The following TECRL variants were observed in gnomAD, a reference collection of about 807,000 sequenced individuals.
The protein encoded by TECRL is trans-2,3-enoyl-CoA reductase-like.
In TECRL, 63 loss-of-function variants were observed where a neutral mutation model predicts 52.8. That is an observed-to-expected ratio of 1.19 (90% CI 0.97 to 1.47). The LOEUF (loss-of-function observed/expected upper bound fraction) is 1.47, where lower values mean the gene tolerates loss of function less well. Among genes scored for constraint, TECRL ranks in the 40% most tolerant of loss-of-function variants. The probability of loss-of-function intolerance (pLI) is 0.00; values close to 1 mark genes in which losing one functional copy is unlikely to be tolerated. For missense variants in TECRL, 482 were observed against 429.6 expected (o/e 1.12, Z -1.08); for synonymous variants, 164 against 141.9 (o/e 1.16, Z -1.10).
chr4:64,339,448 A>T (rs1426722779), intron 2 of TECRL, among the ~76,000 whole-genome samples: 2 of 150,386 alleles, frequency 1.3e-5, no homozygotes, highest in African/African-American at 4.9e-5. Context: ...TAATAAAAAT[A>T]TATATATATA....
Position 64,322,778 on chromosome 4 carries a change from T to G in TECRL, c.346A>C (p.Lys116Gln). The G allele has an allele frequency of 6.2e-7, 1 of 1,604,192 alleles. No homozygotes were observed. The highest frequency in any genetic ancestry group is 2.2e-5 in the East Asian group (1 of 44,596). The stretch of plus-strand genomic sequence containing the variant: ...ATACTTTGAATGGTAATGTAGTCCT[T>G]CAAAAAAGGCCCGCCTAAAATAAAA... ...LQLECGGPFL[K>Q]DYITIQSIAA... The change falls in exon 4 of 12, where the codon AAG (lysine) becomes CAG (glutamine). Residue 116 changes from lysine (K) to glutamine (Q), a missense_variant. Lys to Gln is a moderately conservative substitution (Grantham distance 53, BLOSUM62 1). Transcript: ENST00000381210.
intron 2 of TECRL, among the ~76,000 whole-genome samples, chr4:64,358,549 T>A (rs1379995865): frequency 1.3e-5 from 2 of 151,694 alleles, no homozygotes; most frequent in African/African-American, 4.8e-5. Flanking sequence ...AGATGGGTCA[T>A]CATATTAATG....
intron 7 of TECRL, among the ~76,000 whole-genome samples, chr4:64,300,545 T>C (rs9999680): frequency 0.03 from 4,497 of 150,806 alleles, 103 homozygotes; most frequent in African/African-American, 0.064. Flanking sequence ...TAAAGAGTAA[T>C]GTAGAAAACA....
intron 2 of TECRL, among the ~76,000 whole-genome samples, chr4:64,371,106 A>G (rs1721943770): frequency 6.6e-6 from 1 of 151,686 alleles, no homozygotes; most frequent in Non-Finnish European, 1.5e-5. Flanking sequence ...TAACTGATGG[A>G]TGGCTGTAGA....
At position 64,281,509 on chromosome 4, in the gene TECRL, A is replaced by G. The variant is rs745673807; in HGVS notation, c.883T>C (p.Phe295Leu). 6.2e-7 allele frequency: 1 copy of G among 1,605,390 alleles called. No homozygotes were observed. Among genetic ancestry groups the G allele is most frequent in the South Asian group, 1.1e-5 (1 of 90,122 alleles). ...TAGTTAGGACATGAAACCAGGAAAA[A>G]CATCCATGTGAAGGGGTTATAATTT... is the stretch of plus-strand genomic sequence containing the variant. ...SPNYNPFTWM[F>L]FLVSCPNYTY... is the part of the protein sequence containing the mutation. Residue 295 changes from phenylalanine (F) to leucine (L), a missense_variant, in exon 10 of 12, where the codon TTT becomes CTT. Coordinates refer to ENST00000381210, the MANE Select transcript of TECRL (RefSeq NM_001010874.5).
chr4:64,328,819 G>A (rs1455191481), intron 2 of TECRL, among the ~76,000 whole-genome samples: 1 of 151,798 alleles, frequency 6.6e-6, no homozygotes, highest in Admixed American at 6.6e-5. Context: ...GTGTGTTCAG[G>A]TTTTGGACAT....
At position 64,366,747 on chromosome 4, in the gene TECRL, T is replaced by C. The variant is rs943771310; in HGVS notation, c.286+8425A>G. ...TGGCTATTGTTAAAAAGTCACCATA[T>C]AACAGATGTTGGCAAGTTGTAGAGA... On this transcript the variant is annotated intron_variant, in intron 2 of 11. Transcript: ENST00000381210. Among the ~76,000 whole-genome samples the C allele has an allele frequency of 4.6e-5, 7 of 152,110 alleles. No homozygotes were observed. In the East Asian group the frequency reaches 1.3e-3, roughly 29 times the overall value.
chr4:64,353,979 A>G (rs1307729167), intron 2 of TECRL, among the ~76,000 whole-genome samples: 2 of 152,192 alleles, frequency 1.3e-5, no homozygotes, highest in East Asian at 3.9e-4. Context: ...AAACAATAAA[A>G]CAAACAAACA....
intron 2 of TECRL, among the ~76,000 whole-genome samples, chr4:64,333,654 G>T (rs1718810295): frequency 6.6e-6 from 1 of 152,068 alleles, no homozygotes; most frequent in African/African-American, 2.4e-5. Context: ...TAGGAAGAAT[G>T]CACAAAACAA....
At chr4:64,392,397 C>T (rs1304520324) in intron 1 of TECRL, among the ~76,000 whole-genome samples, 1 of 151,900 alleles carries the variant, frequency 6.6e-6, no homozygotes, top group Non-Finnish European at 1.5e-5. Context: ...TCGAGATACA[C>T]ACAGCATATC....
chr4:64,293,973 T>C (rs1328864495), intron 8 of TECRL, among the ~76,000 whole-genome samples: 2 of 146,382 alleles, frequency 1.4e-5, no homozygotes, highest in East Asian at 3.9e-4. Flanking sequence ...GCTACATATA[T>C]ATATATAAAA....
chr4:64,285,799 A>C (rs1482860032), intron 9 of TECRL, among the ~76,000 whole-genome samples: 1 of 152,128 alleles, frequency 6.6e-6, no homozygotes, highest in African/African-American at 2.4e-5. Flanking sequence ...TTTCCAAGAA[A>C]GAAAATGATG....
intron 2 of TECRL, among the ~76,000 whole-genome samples, chr4:64,365,017 A>G (rs1414584087): frequency 6.6e-6 from 1 of 152,042 alleles, no homozygotes; most frequent in Non-Finnish European, 1.5e-5. Flanking sequence ...CAAAACAGTA[A>G]CAAACTGAAT....
At chr4:64,299,348 A>T (rs930678236) in intron 8 of TECRL, 1 of 151,172 alleles carries the variant, frequency 6.6e-6, no homozygotes, top group Non-Finnish European at 1.5e-5. Flanking sequence ...TATCAATGAC[A>T]GGGATGAAAG....
At chr4:64,308,215 T>C (rs1399950381) in intron 6 of TECRL, among the ~76,000 whole-genome samples, 3 of 152,148 alleles carry the variant, frequency 2.0e-5, no homozygotes, top group Non-Finnish European at 4.4e-5. Flanking sequence ...CCACCCATTA[T>C]GTAGCTGGCA....
At position 64,328,569 on chromosome 4, in the gene TECRL, A is replaced by C; in HGVS notation, c.287-13T>G. On this transcript the variant is annotated splice_polypyrimidine_tract_variant and intron_variant, in intron 2 of 11. Transcript: ENST00000381210. ...TACCACTTTGGACCTATTCAATGAA[A>C]AATAACATTTAATTGTCAGAAAAAG... The C allele has an allele frequency of 1.2e-6, 2 of 1,608,566 alleles. No homozygotes were observed.
At chr4:64,404,062 G>T (rs1199764749) in intron 1 of TECRL, among the ~76,000 whole-genome samples, 1 of 151,820 alleles carries the variant, frequency 6.6e-6, no homozygotes, top group African/African-American at 2.4e-5. Flanking sequence ...AATTTCTAAG[G>T]TTACAAAGGT....
chr4:64,366,636 G>A (rs1721616926), intron 2 of TECRL, among the ~76,000 whole-genome samples: 2 of 151,922 alleles, frequency 1.3e-5, no homozygotes, highest in African/African-American at 4.8e-5. Flanking sequence ...TGATACACAT[G>A]CATATGAAAA....
At chr4:64,292,733 C>A (rs1439035045) in intron 8 of TECRL, among the ~76,000 whole-genome samples, 1 of 151,958 alleles carries the variant, frequency 6.6e-6, no homozygotes, top group Non-Finnish European at 1.5e-5. Flanking sequence ...TTGTCAAGAA[C>A]AAGATGGCCT....
Sources: gnomAD v4.1 joint callset for allele counts (sites outside exome capture counted in the v4.1 genomes callset) on GRCh38, gnomAD v4.1.1 for gene constraint, MANE v1.5 for transcripts, NCBI Gene and HGNC (gene_info 2026-07-23, HGNC 2026-07-21) for gene names.